KCNK9: variants seen among roughly 807,000 people sequenced by gnomAD.
KCNK9 encodes potassium two pore domain channel subfamily K member 9.
KCNK9 carries 1 observed loss-of-function variant against 10.8 expected under a neutral mutation model. That is an observed-to-expected ratio of 0.09 (90% CI 0.03 to 0.44). The LOEUF (loss-of-function observed/expected upper bound fraction) is 0.44. Among genes scored for constraint, KCNK9 ranks in the 20% least tolerant of loss-of-function variants. The pLI, the probability that KCNK9 is intolerant of heterozygous loss-of-function variation, is 0.97. For synonymous variants in KCNK9, 231 were observed against 222.7 expected, an observed-to-expected ratio of 1.04 and a Z score of -0.33; for missense variants, 303 against 515.0, an observed-to-expected ratio of 0.59 and a Z score of 3.98.
chr8:139,686,404 A>T (rs1397483498), intron 1 of KCNK9, among the ~76,000 whole-genome samples: 1 of 152,228 alleles, frequency 6.6e-6, no homozygotes, highest in Non-Finnish European at 1.5e-5. Context: ...AAAGAACTTA[A>T]ACAAATTTAC....
At chr8:139,605,061 A>G (rs372795644) in intron 2 of KCNK9, among the ~76,000 whole-genome samples, 7 of 152,338 alleles carry the variant, frequency 4.6e-5, no homozygotes, top group East Asian at 1.9e-4. Flanking sequence ...GGGAGCCCCA[A>G]TACTTGGGCA....
chr8:139,665,640 T>C (rs1435835600), intron 1 of KCNK9, among the ~76,000 whole-genome samples: 4 of 152,214 alleles, frequency 2.6e-5, no homozygotes, highest in Non-Finnish European at 5.9e-5. Flanking sequence ...AGGTGTTCTG[T>C]GGACCTTAGC....
rs1454402233 is a variant in KCNK9 at position 139,677,775 on chromosome 8, T to G, written c.283+24935A>C. ...TAATACCTCACATCTGATCCCAATG[T>G]GTCCCCATGGCTGCAGAGTAATACC... On this transcript the variant is annotated intron_variant, in intron 1 of 1. Coordinates refer to ENST00000520439, the MANE Select transcript of KCNK9 (RefSeq NM_001282534.2). Among the ~76,000 whole-genome samples, 460 of 138,486 alleles carry G rather than the reference T, an allele frequency of 3.3e-3. 8 individuals carry two copies. The highest frequency in any genetic ancestry group is 0.013 in the African/African-American group (419 of 31,200). 90.9% of individuals were successfully genotyped at this position (138,486 alleles called of 152,430 possible). A position where few individuals can be genotyped will look rare whatever the true frequency, so the allele number is the denominator to read the frequency against.
Position 139,703,086 on chromosome 8 carries a change from T to A in KCNK9, c.-94A>T, listed in dbSNP as rs953314323. On this transcript the variant is annotated 5_prime_UTR_variant, in exon 1 of 2. Coordinates refer to ENST00000520439, the MANE Select transcript of KCNK9 (RefSeq NM_001282534.2). This position sits in a 1 kb window ranked among gnomAD's most constrained non-coding sequence, Gnocchi z 6.4. The stretch of plus-strand genomic sequence containing the variant: ...GCGCCCGGCGGCCGCCGCCGCCTCC[T>A]CCTCCGCCGCCGCCGCCGCCGCCTC... 739 of 1,122,302 alleles carry A rather than the reference T, an allele frequency of 6.6e-4. 1 individual carries two copies. Among genetic ancestry groups the A allele is most frequent in the Non-Finnish European group, 8.0e-4 (712 of 892,112 alleles). The allele number at this position is 1,122,302 out of a possible 1,614,324, so 69.5% of individuals were successfully genotyped here. A position where few individuals can be genotyped will look rare whatever the true frequency, so the allele number is the denominator to read the frequency against.
chr8:139,668,701 C>T (rs766997000), intron 1 of KCNK9, among the ~76,000 whole-genome samples: 10 of 152,314 alleles, frequency 6.6e-5, no homozygotes, highest in Non-Finnish European at 1.2e-4. Flanking sequence ...GGATTACAGG[C>T]GTGAGCCACC....
chr8:139,619,466 A>T (rs1157454031), intron 1 of KCNK9, among the ~76,000 whole-genome samples: 1 of 152,170 alleles, frequency 6.6e-6, no homozygotes, highest in Non-Finnish European at 1.5e-5. Flanking sequence ...TAAAGGCTTT[A>T]AAAAGAAAAA....
chr8:139,682,781 C>T (rs566625192), intron 1 of KCNK9, among the ~76,000 whole-genome samples: 14 of 152,242 alleles, frequency 9.2e-5, no homozygotes, highest in Non-Finnish European at 1.5e-4. Context: ...TGGAGAAGGC[C>T]GAGTAGGTGA....
chr8:139,625,717 CAA>C (rs1814950266), intron 1 of KCNK9, among the ~76,000 whole-genome samples: 1 of 122,114 alleles, frequency 8.2e-6, no homozygotes, highest in Non-Finnish European at 1.7e-5. Flanking sequence ...AGCTGGCTAA[CAA>C]AACAGGAAAA....
At chr8:139,669,344 T>G (rs554750791) in intron 1 of KCNK9, among the ~76,000 whole-genome samples, 17 of 152,226 alleles carry the variant, frequency 1.1e-4, no homozygotes, top group Non-Finnish European at 2.2e-4. Flanking sequence ...TGCTGTTTGA[T>G]AGCAATTTCC....
intron 1 of KCNK9, among the ~76,000 whole-genome samples, chr8:139,638,434 G>C (rs1205885653): frequency 3.3e-5 from 5 of 152,160 alleles, no homozygotes; most frequent in African/African-American, 1.2e-4. Flanking sequence ...GACTTGGTGG[G>C]GGAGCCATTC....
chr8:139,696,652 G>A (rs953052790), intron 1 of KCNK9, among the ~76,000 whole-genome samples: 4 of 152,152 alleles, frequency 2.6e-5, no homozygotes, highest in Admixed American at 6.5e-5. Context: ...AAGGAGGGAG[G>A]GAAGAAGGGA....
intron 1 of KCNK9, among the ~76,000 whole-genome samples, chr8:139,635,613 C>A (rs550973295): frequency 1.3e-5 from 2 of 152,340 alleles, no homozygotes; most frequent in Admixed American, 6.5e-5. Flanking sequence ...ATTAATTTAT[C>A]TCCTGGACTC....
intron 1 of KCNK9, among the ~76,000 whole-genome samples, chr8:139,650,691 C>T (rs1278900404): frequency 1.3e-5 from 2 of 152,212 alleles, no homozygotes; most frequent in African/African-American, 2.4e-5. Context: ...AAGTTTACAA[C>T]TGCACCAGAG....
At chr8:139,638,254 G>A (rs541461237) in intron 1 of KCNK9, among the ~76,000 whole-genome samples, 128 of 152,136 alleles carry the variant, frequency 8.4e-4, no homozygotes, top group African/African-American at 2.9e-3. Context: ...GTACGTCCCC[G>A]TTTATTTCAT....
chr8:139,642,571 A>G (rs544621116), intron 1 of KCNK9, among the ~76,000 whole-genome samples: 3 of 152,330 alleles, frequency 2.0e-5, no homozygotes, highest in Non-Finnish European at 4.4e-5. Flanking sequence ...AATAGGACGC[A>G]CTGCCCTGGA....
At chr8:139,700,518 GCGCACA>G (rs1346626394) in intron 1 of KCNK9, among the ~76,000 whole-genome samples, 6 of 135,660 alleles carry the variant, frequency 4.4e-5, no homozygotes, top group African/African-American at 1.6e-4. Flanking sequence ...ACGCGCGCGC[GCGCACA>G]CACACACACA....
chr8:139,633,975 T>A (rs1815255754), intron 1 of KCNK9, among the ~76,000 whole-genome samples: 1 of 152,262 alleles, frequency 6.6e-6, no homozygotes. Context: ...CATCCACTTA[T>A]TGTTTCTTCT....
chr8:139,630,960 G>A (rs2615375), intron 1 of KCNK9, among the ~76,000 whole-genome samples: 110,331 of 152,210 alleles, frequency 0.72, 41,159 homozygotes, highest in African/African-American at 0.92. Context: ...CGAATGGTCC[G>A]CTAGGACGGA....
chr8:139,619,693 G>A (rs1210627583), intron 1 of KCNK9, among the ~76,000 whole-genome samples: 2 of 152,218 alleles, frequency 1.3e-5, no homozygotes, highest in East Asian at 1.9e-4. Flanking sequence ...GAGTTAGCAG[G>A]GTAGCTTGAT....
Sources: gnomAD v4.1 joint callset for allele counts (sites outside exome capture counted in the v4.1 genomes callset) on GRCh38, gnomAD v4.1.1 for gene constraint, Gnocchi (gnomAD v3.1) non-coding constraint, MANE v1.5 for transcripts, NCBI Gene and HGNC (gene_info 2026-07-23, HGNC 2026-07-21) for gene names.